UBE4B: variants seen among roughly 807,000 people sequenced by gnomAD.
The protein encoded by UBE4B is ubiquitin conjugation factor E4 B.
Under a neutral mutation model 148.1 loss-of-function variants are expected in UBE4B, and 27 were observed. The observed-to-expected ratio is 0.18, with a 90% confidence interval of 0.13 to 0.25. The LOEUF (loss-of-function observed/expected upper bound fraction) is 0.25, where lower values mean the gene tolerates loss of function less well. Among genes scored for constraint, UBE4B ranks in the 10% least tolerant of loss-of-function variants. The probability of loss-of-function intolerance (pLI) is 1.00; values close to 1 mark genes in which losing one functional copy is unlikely to be tolerated. For missense variants in UBE4B, 1,170 were observed against 1,662.4 expected (o/e 0.70, Z 5.15); for synonymous variants, 596 against 619.3 (o/e 0.96, Z 0.56).
intron 23 of UBE4B, among the ~76,000 whole-genome samples, chr1:10,166,959 AC>A (rs1646257615): frequency 7.2e-6 from 1 of 138,548 alleles, no homozygotes; most frequent in Non-Finnish European, 1.5e-5. Context: ...ACACACACAC[AC>A]ACACACACAC....
intron 17 of UBE4B, among the ~76,000 whole-genome samples, chr1:10,141,310 C>G (rs1334581085): frequency 6.6e-6 from 1 of 152,030 alleles, no homozygotes; most frequent in Non-Finnish European, 1.5e-5. Context: ...AGTGTCATTG[C>G]AAAGGTCTTC....
chr1:10,064,688 T>C (rs760967565), intron 1 of UBE4B, among the ~76,000 whole-genome samples: 7 of 152,118 alleles, frequency 4.6e-5, no homozygotes, highest in Non-Finnish European at 8.8e-5. Flanking sequence ...GCCTACTGTG[T>C]ACTGCTGTAC....
chr1:10,126,386 T>C (rs1395648346), intron 10 of UBE4B, among the ~76,000 whole-genome samples: 3 of 152,228 alleles, frequency 2.0e-5, no homozygotes, highest in Non-Finnish European at 4.4e-5. Context: ...TTTAATTGAA[T>C]TTTTTAACAG....
chr1:10,172,277 T>A (rs1215065100), intron 25 of UBE4B, among the ~76,000 whole-genome samples: 1 of 152,216 alleles, frequency 6.6e-6, no homozygotes, highest in Admixed American at 6.5e-5. Context: ...TTCTGCCTCA[T>A]TTTCAACGTC....
intron 1 of UBE4B, 26 bp from the exon 2 acceptor site, chr1:10,072,002 A>T (rs1485562288): frequency 6.5e-7 from 1 of 1,549,970 alleles, no homozygotes; most frequent in Non-Finnish European, 8.7e-7. Flanking sequence ...TTAGTTATAG[A>T]ATGCCCTTTT....
intron 2 of UBE4B, among the ~76,000 whole-genome samples, chr1:10,093,095 A>G (rs11801988): frequency 0.062 from 9,406 of 152,250 alleles, 525 homozygotes; most frequent in African/African-American, 0.15. Flanking sequence ...ACTATACTAT[A>G]CTACAGATAC....
chr1:10,100,407 G>A (rs901213977), intron 3 of UBE4B, among the ~76,000 whole-genome samples: 8 of 152,080 alleles, frequency 5.3e-5, no homozygotes, highest in East Asian at 1.9e-4. Flanking sequence ...AGTGCATACA[G>A]CCTCAAACTT....
rs1645093613 is a variant in UBE4B, at chr1:10,105,668, C to T, written c.733C>T (p.Leu245=). 5 of 1,614,082 alleles carry T rather than the reference C, an allele frequency of 3.1e-6. No individual in the cohort carries two copies. The highest frequency in any genetic ancestry group is 4.2e-6 in the Non-Finnish European group (5 of 1,180,044). ...AARSPDRNLL[L]NTGSNPGTSP... ...ACGGTCACCAGACAGAAATCTCTTG[C>T]TAAACACTGGCTCCAATCCAGGAAC... The change falls in exon 6 of 28, where the codon CTA becomes TTA. Residue 245 remains leucine, a synonymous_variant. Coordinates refer to ENST00000343090, the MANE Select transcript of UBE4B (RefSeq NM_001105562.3).
At chr1:10,100,101 C>T (rs373478102) in intron 3 of UBE4B, among the ~76,000 whole-genome samples, 3 of 151,946 alleles carry the variant, frequency 2.0e-5, no homozygotes, top group East Asian at 1.9e-4. Flanking sequence ...GCCATTCTCC[C>T]GCCTCGGCCT....
chr1:10,040,775 G>A (rs1307897806), intron 1 of UBE4B, among the ~76,000 whole-genome samples: 1 of 151,948 alleles, frequency 6.6e-6, no homozygotes, highest in Non-Finnish European at 1.5e-5. Context: ...GTACCACCAT[G>A]CCTGGCTAAT....
chr1:10,063,613 G>A (rs1644329135), intron 1 of UBE4B, among the ~76,000 whole-genome samples: 2 of 151,982 alleles, frequency 1.3e-5, no homozygotes, highest in Admixed American at 6.6e-5. Flanking sequence ...TGTTTTAAAA[G>A]GTACATCTGG....
chr1:10,172,044 C>A (rs1474752829), intron 25 of UBE4B, among the ~76,000 whole-genome samples: 1 of 152,186 alleles, frequency 6.6e-6, no homozygotes, highest in Non-Finnish European at 1.5e-5. Context: ...GGATCAGAAT[C>A]TTCTTTCCTA....
At chr1:10,075,208 C>T (rs1644557885) in intron 2 of UBE4B, among the ~76,000 whole-genome samples, 1 of 152,228 alleles carries the variant, frequency 6.6e-6, no homozygotes, top group African/African-American at 2.4e-5. Context: ...GCAAGTGTAA[C>T]TGTGTTCCAG....
chr1:10,052,225 C>T (rs1644062599), intron 1 of UBE4B, among the ~76,000 whole-genome samples: 1 of 152,010 alleles, frequency 6.6e-6, no homozygotes, highest in South Asian at 2.1e-4. Context: ...TGCCACCATA[C>T]CTGGCTGATT....
At chr1:10,037,892 T>C (rs1459290161) in intron 1 of UBE4B, among the ~76,000 whole-genome samples, 2 of 152,052 alleles carry the variant, frequency 1.3e-5, no homozygotes, top group Non-Finnish European at 2.9e-5. Flanking sequence ...ACAATGGTAA[T>C]GAGATTGCAT....
At chr1:10,150,131 G>A (rs192567936) in intron 20 of UBE4B, among the ~76,000 whole-genome samples, 2 of 152,152 alleles carry the variant, frequency 1.3e-5, no homozygotes, top group East Asian at 3.9e-4. Flanking sequence ...TGTCATAAAA[G>A]CTGCCTTTAA....
intron 25 of UBE4B, among the ~76,000 whole-genome samples, chr1:10,174,245 T>C (rs1571035338): frequency 1.3e-5 from 2 of 149,784 alleles, no homozygotes; most frequent in Non-Finnish European, 3.0e-5. Context: ...AATACAAAAA[T>C]TAGCCGGGCA....
chr1:10,066,274 C>G, intron 1 of UBE4B, among the ~76,000 whole-genome samples: 1 of 151,364 alleles, frequency 6.6e-6, no homozygotes, highest in Middle Eastern at 3.2e-3. Flanking sequence ...TGTGTGCCAC[C>G]ATGCCCAGCT....
At chr1:10,151,269 T>G in intron 20 of UBE4B, 57 bp from the exon 21 acceptor site, 22 of 1,539,066 alleles carry the variant, frequency 1.4e-5, no homozygotes, top group African/African-American at 2.7e-5. Flanking sequence ...TCACCCAAGA[T>G]GAGTTTCTCA....
Sources: allele counts gnomAD v4.1 joint callset (sites outside exome capture counted in the v4.1 genomes callset), GRCh38; gene constraint gnomAD v4.1.1; transcripts MANE v1.5; gene names NCBI Gene and HGNC (gene_info 2026-07-23, HGNC 2026-07-21).